GABRG3: variants seen among roughly 807,000 people sequenced by gnomAD.
The protein encoded by GABRG3 is gamma-aminobutyric acid receptor subunit gamma-3.
In GABRG3, 25 loss-of-function variants were observed where a neutral mutation model predicts 48.8. That is an observed-to-expected ratio of 0.51 (90% CI 0.37 to 0.72). The LOEUF (loss-of-function observed/expected upper bound fraction) is 0.72, where lower values mean the gene tolerates loss of function less well. GABRG3 is among the 30% of genes least tolerant of loss of function. GABRG3 has a pLI of 0.00. For missense variants in GABRG3, 394 were observed against 577.9 expected (o/e 0.68, Z 3.26); for synonymous variants, 227 against 217.6 (o/e 1.04, Z -0.38).
At chr15:27,004,627 G>T (rs1895547331) in intron 2 of GABRG3, among the ~76,000 whole-genome samples, 3 of 152,344 alleles carry the variant, frequency 2.0e-5, no homozygotes, top group Admixed American at 2.0e-4. Flanking sequence ...AGCCAGCCGA[G>T]ATCACGCCAC....
chr15:27,099,438 G>C (rs966350628), intron 3 of GABRG3, among the ~76,000 whole-genome samples: 2 of 152,016 alleles, frequency 1.3e-5, no homozygotes, highest in African/African-American at 4.8e-5. Flanking sequence ...GGTTTCCCCT[G>C]TTTGTTTGTG....
chr15:27,200,935 C>T (rs559836409), intron 3 of GABRG3, among the ~76,000 whole-genome samples: 3 of 152,094 alleles, frequency 2.0e-5, no homozygotes, highest in Admixed American at 2.0e-4. Flanking sequence ...AGCTTTTTAG[C>T]TCATCCATAC....
chr15:27,056,019 G>A (rs28665900), intron 3 of GABRG3, among the ~76,000 whole-genome samples: 2,626 of 152,190 alleles, frequency 0.017, 59 homozygotes, highest in African/African-American at 0.06. Context: ...TTAAAAATTT[G>A]CAGGAGGAGA....
intron 3 of GABRG3, among the ~76,000 whole-genome samples, chr15:27,284,258 A>G (rs1891535016): frequency 6.6e-6 from 1 of 152,198 alleles, no homozygotes; most frequent in African/African-American, 2.4e-5. Flanking sequence ...ACTTTATTTG[A>G]TGTTACGAAT....
At chr15:27,010,870 G>C (rs190772097) in intron 2 of GABRG3, among the ~76,000 whole-genome samples, 8 of 152,164 alleles carry the variant, frequency 5.3e-5, no homozygotes, top group African/African-American at 1.9e-4. Context: ...TTTTGATATG[G>C]AGTGTCACTT....
intron 5 of GABRG3, among the ~76,000 whole-genome samples, chr15:27,351,438 G>A (rs1271702576): frequency 6.8e-6 from 1 of 147,880 alleles, no homozygotes; most frequent in African/African-American, 2.5e-5. Context: ...TGTATGGTGT[G>A]TGTGTATATG....
intron 6 of GABRG3, chr15:27,481,447 G>T: frequency 4.8e-6 from 1 of 206,194 alleles, no homozygotes; most frequent in Non-Finnish European, 8.5e-6. Flanking sequence ...ATTTTCTTTT[G>T]GTAGGGTGTG....
At chr15:27,345,759 A>G (rs1894342655) in intron 5 of GABRG3, among the ~76,000 whole-genome samples, 1 of 152,046 alleles carries the variant, frequency 6.6e-6, no homozygotes, top group Non-Finnish European at 1.5e-5. Flanking sequence ...TTTTGTTTGT[A>G]TGAGAAACTT....
intron 5 of GABRG3, among the ~76,000 whole-genome samples, chr15:27,417,216 G>C (rs1056594334): frequency 1.3e-5 from 2 of 152,140 alleles, no homozygotes; most frequent in Non-Finnish European, 2.9e-5. Flanking sequence ...GGGTGCTGCT[G>C]GTATGCAGTG....
rs964145306 is a variant in GABRG3 at position 27,397,890 on chromosome 15, C to T, written c.574+69002C>T. ...TGCGATCTCGGCTCACTGCAAGCTC[C>T]GCCTCCCAGGTTCGTGTCATTCTCC... is the stretch of plus-strand genomic sequence containing the variant. On this transcript the variant is annotated intron_variant, in intron 5 of 9. Transcript: ENST00000615808. 1.8e-4 allele frequency among the ~76,000 whole-genome samples: 27 copies of T among 151,592 alleles called. No individual in the cohort carries two copies. In the South Asian group the frequency reaches 1.9e-3, roughly 11 times the overall value.
At chr15:26,993,030 T>C (rs1895276486) in intron 2 of GABRG3, among the ~76,000 whole-genome samples, 1 of 152,178 alleles carries the variant, frequency 6.6e-6, no homozygotes, top group South Asian at 2.1e-4. Context: ...CTAATGATCC[T>C]TTAAATTTCT....
chr15:26,979,636 A>AT (rs1236494830), intron 2 of GABRG3, among the ~76,000 whole-genome samples: 1 of 151,954 alleles, frequency 6.6e-6, no homozygotes, highest in African/African-American at 2.4e-5. Context: ...TGATTTTATG[A>AT]TTTTTTTCTT....
At chr15:27,382,015 T>C (rs1489833906) in intron 5 of GABRG3, among the ~76,000 whole-genome samples, 2 of 152,228 alleles carry the variant, frequency 1.3e-5, no homozygotes, top group East Asian at 3.8e-4. Context: ...TATCAAATGT[T>C]AAATGTAGTT....
chr15:27,092,448 T>C (rs556963564), intron 3 of GABRG3, among the ~76,000 whole-genome samples: 5 of 152,354 alleles, frequency 3.3e-5, no homozygotes, highest in African/African-American at 1.2e-4. Flanking sequence ...CCTCACTATC[T>C]GGTCCTGCCT....
intron 6 of GABRG3, among the ~76,000 whole-genome samples, chr15:27,506,586 T>C (rs1196557466): frequency 6.6e-6 from 1 of 152,154 alleles, no homozygotes; most frequent in Non-Finnish European, 1.5e-5. Context: ...CAGAAAAGAA[T>C]GCAGCCCTGC....
At chr15:27,483,458 T>C (rs1890145333) in intron 6 of GABRG3, among the ~76,000 whole-genome samples, 1 of 152,194 alleles carries the variant, frequency 6.6e-6, no homozygotes, top group Admixed American at 6.5e-5. Context: ...TATTTCCAGA[T>C]AAGGTCATGT....
At chr15:27,327,897 A>G (rs1893670791) in intron 4 of GABRG3, among the ~76,000 whole-genome samples, 1 of 151,804 alleles carries the variant, frequency 6.6e-6, no homozygotes, top group African/African-American at 2.4e-5. Flanking sequence ...CTCCTTACCC[A>G]TCCCTGCTGG....
chr15:27,379,100 A>G (rs368093577), intron 5 of GABRG3, among the ~76,000 whole-genome samples: 3 of 152,228 alleles, frequency 2.0e-5, no homozygotes, highest in East Asian at 1.9e-4. Context: ...GAAGAATTCA[A>G]TCTTTCCCAG....
At chr15:26,996,181 T>G (rs903793168) in intron 2 of GABRG3, among the ~76,000 whole-genome samples, 2 of 152,194 alleles carry the variant, frequency 1.3e-5, no homozygotes, top group Admixed American at 1.3e-4. Flanking sequence ...TATGACAATC[T>G]ATGTAATTAT....
Sources: allele counts gnomAD v4.1 joint callset (sites outside exome capture counted in the v4.1 genomes callset), GRCh38; gene constraint gnomAD v4.1.1; transcripts MANE v1.5; gene names NCBI Gene and HGNC (gene_info 2026-07-23, HGNC 2026-07-21).